Variants in TNNI3K observed in about 807,000 individuals in gnomAD.
TNNI3K encodes the protein serine/threonine-protein kinase TNNI3K.
TNNI3K carries 140 observed loss-of-function variants against 114.5 expected under a neutral mutation model. The observed-to-expected ratio is 1.22, with a 90% CI of 1.07 to 1.41. TNNI3K has a LOEUF of 1.41. TNNI3K is among the 40% of genes most tolerant of loss of function. TNNI3K has a pLI of 0.00. For synonymous variants in TNNI3K, 347 were observed against 347.5 expected (o/e 1.00, Z 0.02); for missense variants, 1,125 against 1,007.6 (o/e 1.12, Z -1.58).
intron 11 of TNNI3K, among the ~76,000 whole-genome samples, chr1:74,361,635 C>G (rs1308383872): frequency 1.3e-5 from 2 of 151,670 alleles, no homozygotes; most frequent in Non-Finnish European, 2.9e-5. Flanking sequence ...AGCAAGAAAG[C>G]AAATAGAAAA....
chr1:74,386,072 G>C (rs1371044332), intron 17 of TNNI3K, among the ~76,000 whole-genome samples: 1 of 152,190 alleles, frequency 6.6e-6, no homozygotes, highest in Non-Finnish European at 1.5e-5. Flanking sequence ...TTACAAAAGG[G>C]AGTTCCACTG....
rs1358619352 is a variant in TNNI3K, at chr1:74,442,420, A to G, written c.2011+2798A>G. 2.0e-5 allele frequency among the ~76,000 whole-genome samples: 3 copies of G among 152,080 alleles called. 1 individual carries two copies. Among genetic ancestry groups the G allele is most frequent in the South Asian group, 4.1e-4 (2 of 4,824 alleles). Reference sequence around the variant, plus strand: ...CCTCCAACTTTGTTCTTCTTTGTTAAAAAGGCTCTGGCCATCTAGATTTTT... The same window carrying G: ...CCTCCAACTTTGTTCTTCTTTGTTAGAAAGGCTCTGGCCATCTAGATTTTT... On this transcript the variant is annotated intron_variant, in intron 20 of 24. Coordinates refer to ENST00000326637, the MANE Select transcript of TNNI3K (RefSeq NM_015978.3).
chr1:74,335,912 A>G, intron 6 of TNNI3K, 99 bp from the exon 7 acceptor site: 1 of 1,332,870 alleles, frequency 7.5e-7, no homozygotes, highest in Non-Finnish European at 9.9e-7. Flanking sequence ...ATAACAATAA[A>G]TTTTTGTGGT....
intron 9 of TNNI3K, among the ~76,000 whole-genome samples, chr1:74,352,183 A>T: frequency 6.6e-6 from 1 of 152,056 alleles, no homozygotes. Flanking sequence ...TTTTCCTTCT[A>T]ACAGTCAGGA....
chr1:74,368,736 A>G (rs1662417328), intron 13 of TNNI3K, among the ~76,000 whole-genome samples: 1 of 151,764 alleles, frequency 6.6e-6, no homozygotes, highest in Non-Finnish European at 1.5e-5. Flanking sequence ...TAACCAGATC[A>G]GGAATAGACC....
rs562156050 is a variant in TNNI3K at position 74,517,204 on chromosome 1, G to A, written c.2352-23030G>A. On this transcript the variant is annotated intron_variant, in intron 23 of 24. Coordinates refer to ENST00000326637, the MANE Select transcript of TNNI3K (RefSeq NM_015978.3). ...TAGGGGTAACTCTTTAAAAAAAAAG[G>A]TTAATAACATTAATCCAATTTTACA... Among the ~76,000 whole-genome samples the A allele has an allele frequency of 2.6e-5, 4 of 152,100 alleles. No individual in the cohort carries two copies. In the South Asian group the frequency reaches 6.2e-4, roughly 24 times the overall value.
At chr1:74,443,734 C>T (rs931209642) in intron 20 of TNNI3K, among the ~76,000 whole-genome samples, 9 of 152,092 alleles carry the variant, frequency 5.9e-5, no homozygotes, top group Non-Finnish European at 8.8e-5. Context: ...CAATATCCCT[C>T]ATGAATATTG....
In TNNI3K at chr1:74,448,492, A is replaced by G. The variant is rs888980369; in HGVS notation, c.2011+8870A>G. On this transcript the variant is annotated intron_variant, in intron 20 of 24. Transcript: ENST00000326637. ...CTAATTGCCCTGGCCAGAACTTCCA[A>G]CACTATGTTGAATAGGAGTGGTGAG... Among the ~76,000 whole-genome samples, 398 of 145,868 alleles carry G rather than the reference A, an allele frequency of 2.7e-3. 17 individuals carry two copies. Among genetic ancestry groups the G allele is most frequent in the African/African-American group, 9.7e-3 (365 of 37,492 alleles).
intron 17 of TNNI3K, among the ~76,000 whole-genome samples, chr1:74,423,535 G>T (rs957798481): frequency 7.2e-5 from 11 of 152,104 alleles, no homozygotes; most frequent in African/African-American, 2.7e-4. Context: ...TATCAAATGT[G>T]TGACCTTATA....
At chr1:74,518,595 G>A (rs986051532) in intron 23 of TNNI3K, among the ~76,000 whole-genome samples, 8 of 152,074 alleles carry the variant, frequency 5.3e-5, no homozygotes, top group African/African-American at 1.7e-4. Flanking sequence ...TATGGTTCCC[G>A]TGTTTCACCT....
chr1:74,392,302 A>G (rs1207125947), intron 17 of TNNI3K, among the ~76,000 whole-genome samples: 1 of 152,216 alleles, frequency 6.6e-6, no homozygotes, highest in Non-Finnish European at 1.5e-5. Flanking sequence ...GTTGCAAAAT[A>G]GAAGGATCTA....
Position 74,348,651 on chromosome 1 carries a change from C to G in TNNI3K, c.933-4615C>G, listed in dbSNP as rs546609953. 6.6e-3 allele frequency among the ~76,000 whole-genome samples: 1,001 copies of G among 152,142 alleles called. 15 individuals are homozygous for G. The highest frequency in any genetic ancestry group is 0.023 in the African/African-American group (962 of 41,498). ...ATGAGCATGGAATATTCTTCCATTT[C>G]TTTGTATCCTCTTTTATTTTACTGA... On this transcript the variant is annotated intron_variant, in intron 9 of 24. Transcript: ENST00000326637.
chr1:74,398,999 T>C (rs945031084), intron 17 of TNNI3K, among the ~76,000 whole-genome samples: 2 of 150,968 alleles, frequency 1.3e-5, no homozygotes, highest in African/African-American at 4.9e-5. Flanking sequence ...CTACTGAAAA[T>C]ACAAAAATTA....
chr1:74,403,766 C>G (rs1664482783), intron 17 of TNNI3K, among the ~76,000 whole-genome samples: 1 of 152,062 alleles, frequency 6.6e-6, no homozygotes, highest in Non-Finnish European at 1.5e-5. Flanking sequence ...ACTTCTGCTC[C>G]TTGTTAAGAA....
intron 17 of TNNI3K, among the ~76,000 whole-genome samples, chr1:74,407,824 G>A (rs1255520258): frequency 6.6e-6 from 1 of 152,016 alleles, no homozygotes; most frequent in African/African-American, 2.4e-5. Flanking sequence ...TGATGTAAGG[G>A]GATACCACTT....
chr1:74,290,536 C>G (rs1232112011), intron 5 of TNNI3K, among the ~76,000 whole-genome samples: 1 of 151,642 alleles, frequency 6.6e-6, no homozygotes. Context: ...AAATGCCCAG[C>G]ATTAAATATT....
chr1:74,472,173 T>A (rs1285244266), intron 21 of TNNI3K: 1 of 714,700 alleles, frequency 1.4e-6, no homozygotes, highest in Non-Finnish European at 2.6e-6. Context: ...GTGTTGCATA[T>A]CTTCTTCTAA....
chr1:74,415,066 G>T (rs1289341190), intron 17 of TNNI3K, among the ~76,000 whole-genome samples: 1 of 152,104 alleles, frequency 6.6e-6, no homozygotes, highest in African/African-American at 2.4e-5. Context: ...CTTTCTTTCT[G>T]GTTTACTCTA....
At chr1:74,329,046 T>C (rs1185558500) in intron 5 of TNNI3K, among the ~76,000 whole-genome samples, 7 of 152,128 alleles carry the variant, frequency 4.6e-5, no homozygotes, top group Admixed American at 4.6e-4. Flanking sequence ...GAGCCTCTAC[T>C]GACAGATGGC....
Sources: allele counts gnomAD v4.1 joint callset (sites outside exome capture counted in the v4.1 genomes callset), GRCh38; gene constraint gnomAD v4.1.1; transcripts MANE v1.5; gene names NCBI Gene and HGNC (gene_info 2026-07-23, HGNC 2026-07-21).